POLN: variants seen among roughly 807,000 people sequenced by gnomAD.
The protein encoded by POLN is DNA polymerase nu.
POLN carries 108 observed loss-of-function variants against 113.5 expected under a neutral mutation model. The observed-to-expected ratio is 0.95, with a 90% CI of 0.81 to 1.12. POLN has a LOEUF of 1.12. Among genes scored for constraint, POLN ranks in the 50% most tolerant of loss-of-function variants. The pLI is 0.00. For missense variants in POLN, 1,097 were observed against 1,077.1 expected (o/e 1.02, Z -0.26); for synonymous variants, 386 against 391.5 (o/e 0.99, Z 0.17).
At position 2,078,138 on chromosome 4, in the gene POLN, G is replaced by A. The variant is rs1439841213; in HGVS notation, c.2388-2619C>T. The stretch of plus-strand genomic sequence containing the variant: ...CTGTGGACTCATCCTGAGTGTGGGC[G>A]CATGGTGGCCTCATGCAGACCCGCC... On this transcript the variant is annotated intron_variant, in intron 23 of 25. Coordinates refer to ENST00000511885, the MANE Select transcript of POLN (RefSeq NM_181808.4). Among the ~76,000 whole-genome samples the A allele has an allele frequency of 3.3e-5, 5 of 152,202 alleles. No individual in the cohort carries two copies. In the South Asian group the frequency reaches 8.3e-4, roughly 25 times the overall value.
intron 7 of POLN, among the ~76,000 whole-genome samples, chr4:2,190,222 A>G (rs904234561): frequency 1.3e-5 from 2 of 152,122 alleles, no homozygotes; most frequent in Non-Finnish European, 2.9e-5. Flanking sequence ...ACGCAGACCA[A>G]TGGAACAGAA....
At chr4:2,201,212 A>C (rs955262016) in intron 5 of POLN, among the ~76,000 whole-genome samples, 2 of 127,974 alleles carry the variant, frequency 1.6e-5, no homozygotes, top group Non-Finnish European at 3.2e-5. Context: ...GGTTACAGTG[A>C]GCCCAGATCA....
chr4:2,121,079 C>T (rs1032966665), intron 19 of POLN, among the ~76,000 whole-genome samples: 15 of 152,068 alleles, frequency 9.9e-5, no homozygotes, highest in African/African-American at 3.6e-4. Context: ...GCTAGAACTT[C>T]AATATGCAAT....
chr4:2,072,929 G>C (rs760791221), intron 25 of POLN, 39 bp downstream of exon 25: 1 of 1,606,850 alleles, frequency 6.2e-7, no homozygotes, highest in Non-Finnish European at 8.5e-7. Context: ...CCCTCACCCT[G>C]GGCTCCGGAA....
intron 16 of POLN, chr4:2,139,735 T>A (rs947956078): frequency 5.1e-4 from 78 of 152,346 alleles, no homozygotes; most frequent in African/African-American, 1.8e-3. Flanking sequence ...TGATAGATAT[T>A]TAAATTATAT....
intron 4 of POLN, among the ~76,000 whole-genome samples, chr4:2,208,728 G>A (rs906212833): frequency 2.0e-5 from 3 of 152,084 alleles, no homozygotes; most frequent in Non-Finnish European, 2.9e-5. Flanking sequence ...GGTGGCTCAC[G>A]CCTGTAATCC....
intron 19 of POLN, among the ~76,000 whole-genome samples, chr4:2,105,759 C>A (rs1029079681): frequency 3.9e-5 from 6 of 152,040 alleles, no homozygotes; most frequent in Non-Finnish European, 7.4e-5. Context: ...CTACCCCAAA[C>A]ATTCCACACA....
At chr4:2,193,640 T>A (rs758012946) in intron 6 of POLN, among the ~76,000 whole-genome samples, 4 of 152,188 alleles carry the variant, frequency 2.6e-5, no homozygotes, top group Non-Finnish European at 5.9e-5. Context: ...GGCCCCAAGA[T>A]GACTCTCTAG....
chr4:2,093,287 G>A lies in POLN; in HGVS notation c.2065+2564C>T, dbSNP rs989484756. On this transcript the variant is annotated intron_variant, in intron 20 of 25. Transcript: ENST00000511885. The surrounding 1 kb of genome is among the most constrained non-coding windows in gnomAD (Gnocchi z 4.1). ...GGCTGCCCCCACTGGGGACAAGGCC[G>A]GGGCTGCCACAGGAGACCTACAGAA... Among the ~76,000 whole-genome samples, 2 of 152,162 alleles carry A rather than the reference G, an allele frequency of 1.3e-5. No individual in the cohort carries two copies. The highest frequency in any genetic ancestry group is 4.1e-4 in the South Asian group (2 of 4,828).
At chr4:2,144,030 T>G (rs1163058462) in intron 16 of POLN, among the ~76,000 whole-genome samples, 1 of 151,962 alleles carries the variant, frequency 6.6e-6, no homozygotes, top group Non-Finnish European at 1.5e-5. Context: ...CTTCAAAATA[T>G]CATATATTTT....
At chr4:2,189,903 T>C (rs865843943) in intron 7 of POLN, among the ~76,000 whole-genome samples, 7 of 151,280 alleles carry the variant, frequency 4.6e-5, no homozygotes, top group Non-Finnish European at 7.4e-5. Flanking sequence ...CGAGTGCCTA[T>C]AGTCCCAGCT....
At chr4:2,173,181 G>A (rs1732907037) in intron 11 of POLN, among the ~76,000 whole-genome samples, 1 of 152,178 alleles carries the variant, frequency 6.6e-6, no homozygotes, top group Admixed American at 6.5e-5. Context: ...GTTCTGATAG[G>A]GAAAGCACAC....
At chr4:2,160,083 T>C (rs988509468) in intron 13 of POLN, among the ~76,000 whole-genome samples, 1 of 152,202 alleles carries the variant, frequency 6.6e-6, no homozygotes, top group Non-Finnish European at 1.5e-5. Context: ...CAGCAAAACA[T>C]AAACATTCAA....
intron 16 of POLN, among the ~76,000 whole-genome samples, chr4:2,137,845 CG>C (rs754999370): frequency 6.6e-6 from 1 of 151,672 alleles, no homozygotes; most frequent in East Asian, 1.9e-4. Context: ...GGTCGGGGGG[CG>C]GGTCGGTGGG....
chr4:2,153,128 G>A (rs1235363211), intron 16 of POLN, among the ~76,000 whole-genome samples: 1 of 152,222 alleles, frequency 6.6e-6, no homozygotes, highest in East Asian at 1.9e-4. Flanking sequence ...CCTCTGTCAG[G>A]TGAGCTGCAG....
intron 4 of POLN, among the ~76,000 whole-genome samples, chr4:2,208,876 T>C (rs2108764381): frequency 6.6e-6 from 1 of 152,236 alleles, no homozygotes; most frequent in East Asian, 1.9e-4. Flanking sequence ...TAATTCCAGC[T>C]ACTCGGGAGG....
At chr4:2,202,571 A>C (rs972139149) in intron 5 of POLN, among the ~76,000 whole-genome samples, 1 of 152,026 alleles carries the variant, frequency 6.6e-6, no homozygotes, top group Non-Finnish European at 1.5e-5. Context: ...TAAAAATACA[A>C]AAATTAGTCA....
At chr4:2,146,322 A>G (rs1732137611) in intron 16 of POLN, among the ~76,000 whole-genome samples, 1 of 146,530 alleles carries the variant, frequency 6.8e-6, no homozygotes, top group African/African-American at 2.5e-5. Flanking sequence ...CCTGGCTAAC[A>G]TGACGAAACT....
At chr4:2,116,586 T>A (rs767665169) in intron 19 of POLN, among the ~76,000 whole-genome samples, 10 of 151,492 alleles carry the variant, frequency 6.6e-5, no homozygotes, top group Non-Finnish European at 1.0e-4. Context: ...TTTCAGAACA[T>A]CTAATCTAGT....
Sources: allele counts gnomAD v4.1 joint callset (sites outside exome capture counted in the v4.1 genomes callset), GRCh38; gene constraint gnomAD v4.1.1; non-coding constraint Gnocchi (gnomAD v3.1); transcripts MANE v1.5; gene names NCBI Gene and HGNC (gene_info 2026-07-23, HGNC 2026-07-21).